Variants in PARVG observed in about 807,000 individuals in gnomAD.
The protein encoded by PARVG is parvin gamma.
PARVG carries 36 observed loss-of-function variants against 44.4 expected under a neutral mutation model. That is an observed-to-expected ratio of 0.81 (90% CI 0.62 to 1.07). The LOEUF (loss-of-function observed/expected upper bound fraction) is 1.07, where lower values mean the gene tolerates loss of function less well. Among genes scored for constraint, PARVG ranks in the 50% least tolerant of loss-of-function variants. The probability of loss-of-function intolerance (pLI) is 0.00; values close to 1 mark genes in which losing one functional copy is unlikely to be tolerated. For synonymous variants in PARVG, 170 were observed against 174.1 expected (o/e 0.98, Z 0.19); for missense variants, 407 against 407.4 (o/e 1.00, Z 0.01).
At chr22:44,194,263 G>A (rs1276873660) in intron 9 of PARVG, among the ~76,000 whole-genome samples, 3 of 152,210 alleles carry the variant, frequency 2.0e-5, no homozygotes, top group African/African-American at 7.2e-5. Flanking sequence ...TGTTCAGCAT[G>A]TGGGCAGTGC....
intron 12 of PARVG, among the ~76,000 whole-genome samples, chr22:44,203,814 C>T (rs1255398203): frequency 6.6e-6 from 1 of 152,214 alleles, no homozygotes; most frequent in Non-Finnish European, 1.5e-5. Context: ...CTCAGAGTTT[C>T]ACCCCGCATT....
chr22:44,206,426 A>T lies in PARVG; in HGVS notation c.996A>T (p.Ter332CysextTer81). 1 of 1,613,522 alleles carries T rather than the reference A, an allele frequency of 6.2e-7. No individual in the cohort carries two copies. The part of the protein sequence containing the change: ...RDRTPHGAPN[*>C] ...GGACGCCCCATGGAGCCCCGAATTG[A>T]CCCTCACTGCCTCCAAAGCCCAGAG... Residue 332 changes from the stop codon to cysteine (C), a stop_lost, in exon 14 of 14, where the codon TGA becomes TGT. Coordinates refer to ENST00000444313, the MANE Select transcript of PARVG (RefSeq NM_022141.7).
intron 10 of PARVG, 23 bp from the exon 11 acceptor site, chr22:44,196,324 G>A: frequency 6.2e-7 from 1 of 1,614,146 alleles, no homozygotes; most frequent in African/African-American, 1.3e-5. Flanking sequence ...CTGTGTGCTA[G>A]GCCCTTGTTC....
chr22:44,205,252 A>T (rs185793615), intron 12 of PARVG, among the ~76,000 whole-genome samples: 3 of 152,176 alleles, frequency 2.0e-5, no homozygotes, highest in Non-Finnish European at 4.4e-5. Context: ...CGTGAGCTCC[A>T]GTGAGCCCCT....
intron 9 of PARVG, among the ~76,000 whole-genome samples, chr22:44,194,433 A>G (rs892691575): frequency 3.3e-5 from 5 of 151,984 alleles, no homozygotes; most frequent in African/African-American, 1.2e-4. Flanking sequence ...TTATCCATCT[A>G]TTGATCCATC....
Position 44,182,400 on chromosome 22 carries a change from A to G in PARVG, c.-13+483A>G, listed in dbSNP as rs2054395988. 6.6e-6 allele frequency among the ~76,000 whole-genome samples: 1 copy of G among 152,062 alleles called. No individual in the cohort carries two copies. The highest frequency in any genetic ancestry group is 1.5e-5 in the Non-Finnish European group (1 of 68,014). ...TCTGGCCATGGCCCTCAGCTTGGAT[A>G]TTAAGGGGCTGGGAGTCAGTTGTGT... On this transcript the variant is annotated intron_variant, in intron 2 of 13. Transcript: ENST00000444313. The surrounding 1 kb of genome is among the most constrained non-coding windows in gnomAD (Gnocchi z 4.6).
chr22:44,180,699 A>G (rs569457949), upstream of PARVG, among the ~76,000 whole-genome samples: 9 of 152,330 alleles, frequency 5.9e-5, no homozygotes, highest in African/African-American at 2.2e-4. Flanking sequence ...TGTTTGTTTC[A>G]TCACCAATGA....
intron 8 of PARVG, among the ~76,000 whole-genome samples, chr22:44,193,376 C>T (rs573209568): frequency 5.9e-5 from 9 of 151,896 alleles, no homozygotes; most frequent in South Asian, 2.1e-4. Flanking sequence ...CTGTGGTCAG[C>T]GTAGGGAGGG....
intron 12 of PARVG, among the ~76,000 whole-genome samples, chr22:44,204,308 C>T (rs577203469): frequency 6.6e-6 from 1 of 152,336 alleles, no homozygotes; most frequent in African/African-American, 2.4e-5. Context: ...TCATCATCCT[C>T]ACCTTCAAAT....
intron 2 of PARVG, 39 bp downstream of exon 2, chr22:44,181,956 G>A: frequency 1.0e-6 from 1 of 985,598 alleles, no homozygotes; most frequent in Non-Finnish European, 1.2e-6. Context: ...TTGAGTGTTG[G>A]GGGTCACGGA....
At chr22:44,196,081 G>GAA in intron 9 of PARVG, 74 bp from the exon 10 acceptor site, 3 of 1,463,942 alleles carry the variant, frequency 2.0e-6, no homozygotes, top group Non-Finnish European at 2.8e-6. Flanking sequence ...AAACTTTTGT[G>GAA]AAAAAAAAAA....
intron 11 of PARVG, among the ~76,000 whole-genome samples, chr22:44,197,591 A>T (rs1447911367): frequency 6.6e-6 from 1 of 152,194 alleles, no homozygotes; most frequent in Non-Finnish European, 1.5e-5. Context: ...CCAGACAGAC[A>T]CACATTTCCC....
chr22:44,181,974 G>C (rs187713294), intron 2 of PARVG, 57 bp downstream of exon 2: 1 of 983,796 alleles, frequency 1.0e-6, no homozygotes, highest in African/African-American at 1.7e-5. Context: ...GGAGGGAGGG[G>C]CCCAGACACC....
intron 12 of PARVG, among the ~76,000 whole-genome samples, chr22:44,203,813 T>G (rs1343633714): frequency 6.6e-6 from 1 of 152,210 alleles, no homozygotes; most frequent in East Asian, 1.9e-4. Context: ...TCTCAGAGTT[T>G]CACCCCGCAT....
upstream of PARVG, among the ~76,000 whole-genome samples, chr22:44,180,019 G>A (rs546993189): frequency 2.0e-5 from 3 of 152,318 alleles, no homozygotes; most frequent in South Asian, 6.2e-4. Context: ...TCACATCTAT[G>A]GGCCGCAGCA....
intron 1 of PARVG, among the ~76,000 whole-genome samples, chr22:44,175,905 G>A (rs1362998287): frequency 6.6e-6 from 1 of 152,218 alleles, no homozygotes; most frequent in African/African-American, 2.4e-5. Context: ...CTCGGATTTA[G>A]GTGGCCATGT....
upstream of PARVG, among the ~76,000 whole-genome samples, chr22:44,180,074 G>T (rs2054356073): frequency 6.6e-6 from 1 of 152,170 alleles, no homozygotes; most frequent in Non-Finnish European, 1.5e-5. Flanking sequence ...GGGCAGGGGA[G>T]GCCCTGGCAG....
At chr22:44,180,114 T>C (rs2054356582), upstream of PARVG, among the ~76,000 whole-genome samples, 1 of 152,152 alleles carries the variant, frequency 6.6e-6, no homozygotes, top group African/African-American at 2.4e-5. Context: ...TGGTCATTGA[T>C]TCCTCCAGCT....
chr22:44,196,540 G>A (rs1383326238), intron 11 of PARVG, 125 bp downstream of exon 11: 1 of 1,168,692 alleles, frequency 8.6e-7, no homozygotes, highest in Admixed American at 2.0e-5. Context: ...GGAGCCTTAG[G>A]GTCCCCCTCC....
Sources: allele counts gnomAD v4.1 joint callset (sites outside exome capture counted in the v4.1 genomes callset), GRCh38; gene constraint gnomAD v4.1.1; non-coding constraint Gnocchi (gnomAD v3.1); transcripts MANE v1.5; gene names NCBI Gene and HGNC (gene_info 2026-07-23, HGNC 2026-07-21).